PRKN: variants seen among roughly 807,000 people sequenced by gnomAD.
The protein encoded by PRKN is E3 ubiquitin-protein ligase parkin.
PRKN carries 56 observed loss-of-function variants against 59.5 expected under a neutral mutation model. The ratio of observed to expected loss-of-function variants is 0.94; its 90% CI spans 0.76 to 1.18. The LOEUF (loss-of-function observed/expected upper bound fraction) is 1.18, where lower values mean the gene tolerates loss of function less well. PRKN is among the 50% of genes most tolerant of loss of function. The pLI is 0.00. For missense variants in PRKN, 657 were observed against 596.4 expected (o/e 1.10, Z -1.06); for synonymous variants, 250 against 222.1 (o/e 1.13, Z -1.12).
intron 1 of PRKN, among the ~76,000 whole-genome samples, chr6:162,469,451 C>T (rs1346266163): frequency 6.6e-6 from 1 of 151,404 alleles, no homozygotes; most frequent in Non-Finnish European, 1.5e-5. Context: ...GGAACCAGCC[C>T]AAATGCCCAT....
At position 162,033,246 on chromosome 6, in the gene PRKN, CT is replaced by C. The variant is rs537382530; in HGVS notation, c.618+20844del. ...TGGCTTTCACCCTTCTGAAACATCTCTTTTTATGGAAGACATTCATTGATAC... is the reference window on the plus strand; with the variant it reads ...TGGCTTTCACCCTTCTGAAACATCTCTTTTATGGAAGACATTCATTGATAC... On this transcript the variant is annotated intron_variant, in intron 5 of 11. Transcript: ENST00000366898. Among the ~76,000 whole-genome samples the C allele has an allele frequency of 2.0e-5, 3 of 152,324 alleles. No individual in the cohort carries two copies. In the South Asian group the frequency reaches 6.2e-4, roughly 32 times the overall value.
intron 7 of PRKN, among the ~76,000 whole-genome samples, chr6:161,639,162 T>C (rs1007319414): frequency 6.6e-6 from 1 of 152,196 alleles, no homozygotes; most frequent in African/African-American, 2.4e-5. Context: ...TCCAGCCCTG[T>C]GGAACTTTGA....
At chr6:162,332,840 A>T (rs2128125297) in intron 2 of PRKN, among the ~76,000 whole-genome samples, 1 of 151,902 alleles carries the variant, frequency 6.6e-6, no homozygotes, top group East Asian at 1.9e-4. Context: ...CACCACCAAC[A>T]CTTCCACTGC....
At chr6:161,404,322 C>G (rs989235271) in intron 9 of PRKN, among the ~76,000 whole-genome samples, 4 of 152,142 alleles carry the variant, frequency 2.6e-5, no homozygotes, top group Non-Finnish European at 5.9e-5. Context: ...GGCACCTAGA[C>G]AGAAAATTGT....
At chr6:161,583,505 A>G (rs1781419724) in intron 7 of PRKN, among the ~76,000 whole-genome samples, 1 of 151,968 alleles carries the variant, frequency 6.6e-6, no homozygotes, top group South Asian at 2.1e-4. Flanking sequence ...CTTAATATTT[A>G]CAATTCCCTT....
rs765562206 is a variant in PRKN at position 161,458,432 on chromosome 6, G to A, written c.1084-71555C>T. Among the ~76,000 whole-genome samples, 1 of 152,152 alleles carries A rather than the reference G, an allele frequency of 6.6e-6. No homozygotes were observed. Among genetic ancestry groups the A allele is most frequent in the Admixed American group, 6.5e-5 (1 of 15,268 alleles). On this transcript the variant is annotated intron_variant, in intron 9 of 11. Coordinates refer to ENST00000366898, the MANE Select transcript of PRKN (RefSeq NM_004562.3). This position sits in a 1 kb window ranked among gnomAD's most constrained non-coding sequence, Gnocchi z 6.1. ...ATCACAGCTCCCTGGCCCTCGCCGC[G>A]GTGGAGGCAGCCGTCTGTCTACCTC...
rs145008754 is a variant in PRKN at position 161,550,833 on chromosome 6, T to C, written c.934-1830A>G. Among the ~76,000 whole-genome samples the C allele has an allele frequency of 2.4e-3, 364 of 152,134 alleles. 3 individuals are homozygous for C. Among genetic ancestry groups the C allele is most frequent in the African/African-American group, 8.5e-3 (352 of 41,520 alleles). Reference sequence around the variant, plus strand: ...AGTTTGATAAGCTATTACACAGCGATGTCAAAATGTCCAGTATCTAATTGA... The same window carrying C: ...AGTTTGATAAGCTATTACACAGCGACGTCAAAATGTCCAGTATCTAATTGA... On this transcript the variant is annotated intron_variant, in intron 8 of 11. Coordinates refer to ENST00000366898, the MANE Select transcript of PRKN (RefSeq NM_004562.3). The surrounding 1 kb of genome is among the most constrained non-coding windows in gnomAD (Gnocchi z 4.0).
At chr6:162,227,296 G>T (rs1562595851) in intron 3 of PRKN, among the ~76,000 whole-genome samples, 4 of 151,884 alleles carry the variant, frequency 2.6e-5, no homozygotes, top group African/African-American at 2.4e-5. Context: ...GAAAATAAGG[G>T]TTTTTTTCCC....
intron 6 of PRKN, among the ~76,000 whole-genome samples, chr6:161,886,894 A>G (rs1337968298): frequency 1.3e-5 from 2 of 152,144 alleles, no homozygotes; most frequent in African/African-American, 4.8e-5. Context: ...GTATTGCAAC[A>G]AAATGACTGA....
intron 1 of PRKN, among the ~76,000 whole-genome samples, chr6:162,720,053 C>T (rs1213481930): frequency 6.6e-6 from 1 of 152,090 alleles, no homozygotes; most frequent in Non-Finnish European, 1.5e-5. Context: ...TCTGCGGGTA[C>T]AATAAGCTTT....
chr6:161,630,365 G>A (rs1031094166), intron 7 of PRKN, among the ~76,000 whole-genome samples: 1 of 152,168 alleles, frequency 6.6e-6, no homozygotes, highest in Non-Finnish European at 1.5e-5. Flanking sequence ...ATGCTTTGAA[G>A]TAACTGGCAC....
At chr6:161,380,734 T>C (rs1467039743) in intron 10 of PRKN, among the ~76,000 whole-genome samples, 1 of 152,212 alleles carries the variant, frequency 6.6e-6, no homozygotes, top group Non-Finnish European at 1.5e-5. Context: ...ATTCCACTTA[T>C]AGATGTGTTT....
chr6:161,369,839 TAG>T lies in PRKN; in HGVS notation c.1168-9636_1168-9635del. 3.9e-6 allele frequency: 1 copy of T among 256,768 alleles called. No individual in the cohort carries two copies. The highest frequency in any genetic ancestry group is 4.2e-5 in the South Asian group (1 of 24,018). 15.9% of individuals were successfully genotyped at this position (256,768 alleles called of 1,614,324 possible). On this transcript the variant is annotated intron_variant, in intron 10 of 11. Coordinates refer to ENST00000366898, the MANE Select transcript of PRKN (RefSeq NM_004562.3). This position sits in a 1 kb window ranked among gnomAD's most constrained non-coding sequence, Gnocchi z 5.8. The stretch of plus-strand genomic sequence containing the variant: ...ATAGGAAATATATTTCATATACATA[TAG>T]AGAGAGACAGAGAGAATCAAAATTC...
intron 4 of PRKN, among the ~76,000 whole-genome samples, chr6:162,185,797 T>C (rs552221620): frequency 5.3e-5 from 8 of 152,090 alleles, no homozygotes; most frequent in African/African-American, 1.9e-4. Flanking sequence ...CAAAGAAAAA[T>C]ATAAGAACAT....
At chr6:161,638,307 T>C (rs890066044) in intron 7 of PRKN, among the ~76,000 whole-genome samples, 1 of 151,878 alleles carries the variant, frequency 6.6e-6, no homozygotes, top group African/African-American at 2.4e-5. Flanking sequence ...TAAATTTTTT[T>C]GTGTTTCAGT....
At chr6:161,536,003 A>G (rs1422374612) in intron 9 of PRKN, among the ~76,000 whole-genome samples, 3 of 151,998 alleles carry the variant, frequency 2.0e-5, no homozygotes, top group Non-Finnish European at 4.4e-5. Flanking sequence ...ACACAACCAT[A>G]TTATGGAATA....
intron 5 of PRKN, among the ~76,000 whole-genome samples, chr6:162,023,132 C>A (rs904057985): frequency 2.0e-5 from 3 of 151,920 alleles, no homozygotes; most frequent in Non-Finnish European, 4.4e-5. Context: ...TCTAGGTGAA[C>A]ATACAGACGG....
chr6:162,387,326 G>A (rs1361648183), intron 2 of PRKN, among the ~76,000 whole-genome samples: 1 of 150,524 alleles, frequency 6.6e-6, no homozygotes, highest in Non-Finnish European at 1.5e-5. Context: ...CTCAACAAAA[G>A]CTTATTTTTT....
At chr6:162,226,087 A>G (rs1778164922) in intron 3 of PRKN, among the ~76,000 whole-genome samples, 1 of 111,658 alleles carries the variant, frequency 9.0e-6, no homozygotes, top group Non-Finnish European at 1.7e-5. Context: ...AATAATAATA[A>G]TAATAATAAT....
Sources: allele counts gnomAD v4.1 joint callset (sites outside exome capture counted in the v4.1 genomes callset), GRCh38; gene constraint gnomAD v4.1.1; non-coding constraint Gnocchi (gnomAD v3.1); transcripts MANE v1.5; gene names NCBI Gene and HGNC (gene_info 2026-07-23, HGNC 2026-07-21).